The following PLCB4 variants were observed in gnomAD, a reference collection of about 807,000 sequenced individuals.
PLCB4 encodes phospholipase C beta 4, also known as 1-phosphatidylinositol 4,5-bisphosphate phosphodiesterase beta-4.
A neutral mutation model predicts 178.8 loss-of-function variants in PLCB4; 77 were observed. The ratio of observed to expected loss-of-function variants is 0.43; its 90% CI spans 0.36 to 0.52. PLCB4 has a LOEUF of 0.52. Ranked by LOEUF, PLCB4 falls within the 20% of genes least tolerant of loss-of-function variation. PLCB4 has a pLI of 0.00. For synonymous variants in PLCB4, 496 were observed against 490.8 expected (o/e 1.01, Z -0.14); for missense variants, 1,024 against 1,453.4 (o/e 0.70, Z 4.80).
intron 2 of PLCB4, among the ~76,000 whole-genome samples, chr20:9,213,348 T>G (rs966426044): frequency 5.7e-5 from 8 of 141,190 alleles, no homozygotes; most frequent in African/African-American, 2.2e-4. Flanking sequence ...TTTCACTATG[T>G]TGGCTAGGCT....
chr20:9,389,762 G>A, intron 15 of PLCB4, 117 bp from the exon 16 acceptor site: 1 of 617,134 alleles, frequency 1.6e-6, no homozygotes. Flanking sequence ...GGGGGCTCCA[G>A]GTCTGAATTG....
chr20:9,237,845 T>G (rs1179933595), intron 3 of PLCB4, among the ~76,000 whole-genome samples: 1 of 150,738 alleles, frequency 6.6e-6, no homozygotes, highest in East Asian at 2.0e-4. Context: ...AGTGGAATCT[T>G]TTTTTTTCTT....
chr20:9,427,579 T>C (rs2041109170), intron 28 of PLCB4, among the ~76,000 whole-genome samples: 1 of 152,216 alleles, frequency 6.6e-6, no homozygotes, highest in Non-Finnish European at 1.5e-5. Context: ...GCTGGGATTA[T>C]CTTTGCTGCT....
intron 7 of PLCB4, among the ~76,000 whole-genome samples, chr20:9,357,145 AC>A (rs2034903450): frequency 6.6e-6 from 1 of 152,158 alleles, no homozygotes; most frequent in African/African-American, 2.4e-5. Flanking sequence ...AAACAAGAAA[AC>A]AACAAAATTA....
At chr20:9,311,312 A>G (rs967982497) in intron 4 of PLCB4, among the ~76,000 whole-genome samples, 4 of 152,082 alleles carry the variant, frequency 2.6e-5, no homozygotes, top group East Asian at 1.9e-4. Flanking sequence ...CCTTCCCTAA[A>G]CCCACTTTAA....
In PLCB4 at chr20:9,450,730, C is replaced by G. The variant is rs981706644; in HGVS notation, c.2881-2617C>G. Among the ~76,000 whole-genome samples the G allele has an allele frequency of 6.4e-5, 9 of 140,290 alleles. No individual in the cohort carries two copies. The Admixed American group carries it at 6.9e-4, about 11-fold the overall frequency. 92.0% of individuals were successfully genotyped at this position (140,290 alleles called of 152,430 possible). A position where few individuals can be genotyped will look rare whatever the true frequency, so the allele number is the denominator to read the frequency against. ...GTGGCATGATCTCGACTCACTGCAA[C>G]CTATGCCTCCCGGGTTCAAGCAATT... is the stretch of plus-strand genomic sequence containing the variant. On this transcript the variant is annotated intron_variant, in intron 32 of 39. Transcript: ENST00000378473.
intron 2 of PLCB4, among the ~76,000 whole-genome samples, chr20:9,108,923 GAGAA>G (rs1324281289): frequency 4.8e-4 from 72 of 150,186 alleles, no homozygotes; most frequent in African/African-American, 1.7e-3. Context: ...GAGAGAGAGA[GAGAA>G]AGAGAGAGAG....
At chr20:9,310,722 A>T (rs576554980) in intron 4 of PLCB4, among the ~76,000 whole-genome samples, 5 of 152,296 alleles carry the variant, frequency 3.3e-5, no homozygotes, top group African/African-American at 1.2e-4. Context: ...AAAAAATAAA[A>T]AAAAATAAAT....
chr20:9,272,317 T>G (rs963312324), intron 3 of PLCB4, among the ~76,000 whole-genome samples: 2 of 152,054 alleles, frequency 1.3e-5, no homozygotes, highest in Non-Finnish European at 2.9e-5. Context: ...TTTGAAGAAA[T>G]TAAATCAGAT....
chr20:9,420,694 G>C (rs915760272), intron 26 of PLCB4, among the ~76,000 whole-genome samples: 1 of 152,146 alleles, frequency 6.6e-6, no homozygotes, highest in Non-Finnish European at 1.5e-5. Flanking sequence ...AGCTGTTTCA[G>C]ATTGTTAGCT....
chr20:9,287,252 C>A (rs1322066444), intron 3 of PLCB4, among the ~76,000 whole-genome samples: 1 of 151,958 alleles, frequency 6.6e-6, no homozygotes, highest in East Asian at 1.9e-4. Context: ...ACATACCAGG[C>A]ATTTCTCTGT....
At chr20:9,167,654 A>G (rs188345665) in intron 2 of PLCB4, among the ~76,000 whole-genome samples, 88 of 152,354 alleles carry the variant, frequency 5.8e-4, no homozygotes, top group Middle Eastern at 6.8e-3. Context: ...GTATTTGGTA[A>G]TTATGTTTCT....
intron 20 of PLCB4, among the ~76,000 whole-genome samples, chr20:9,402,589 AC>A (rs1391123844): frequency 6.6e-6 from 1 of 152,246 alleles, no homozygotes; most frequent in Non-Finnish European, 1.5e-5. Context: ...TTAGGAGGAA[AC>A]AGGAGTGGAA....
intron 2 of PLCB4, among the ~76,000 whole-genome samples, chr20:9,159,990 G>T (rs2092859021): frequency 6.6e-6 from 1 of 152,106 alleles, no homozygotes; most frequent in Non-Finnish European, 1.5e-5. Flanking sequence ...GGGAGAAGAG[G>T]TGGCCATACT....
chr20:9,386,941 G>A (rs1020579389), intron 14 of PLCB4, among the ~76,000 whole-genome samples: 3 of 150,044 alleles, frequency 2.0e-5, no homozygotes, highest in Non-Finnish European at 4.4e-5. Context: ...TGCCCAGGCT[G>A]GAGTGCAGTG....
At chr20:9,346,490 A>G (rs2033807768) in intron 7 of PLCB4, among the ~76,000 whole-genome samples, 1 of 152,210 alleles carries the variant, frequency 6.6e-6, no homozygotes, top group African/African-American at 2.4e-5. Flanking sequence ...ACTAATTAAT[A>G]AAAGCTTCTT....
At chr20:9,210,467 AGAG>A (rs2093661627) in intron 2 of PLCB4, among the ~76,000 whole-genome samples, 1 of 152,108 alleles carries the variant, frequency 6.6e-6, no homozygotes, top group Non-Finnish European at 1.5e-5. Context: ...TGGGTCGGTG[AGAG>A]GAGAACATAG....
At chr20:9,222,113 CAG>C (rs1187948450) in intron 3 of PLCB4, among the ~76,000 whole-genome samples, 20 of 117,382 alleles carry the variant, frequency 1.7e-4, no homozygotes, top group African/African-American at 5.9e-4. Flanking sequence ...TTTATTTTGA[CAG>C]GGTCTGGTTC....
At chr20:9,093,438 C>T (rs1184576072) in intron 1 of PLCB4, among the ~76,000 whole-genome samples, 1 of 152,166 alleles carries the variant, frequency 6.6e-6, no homozygotes, top group Admixed American at 6.6e-5. Context: ...CTTTTATATG[C>T]TTACCCATTA....
Sources: gnomAD v4.1 joint callset for allele counts (sites outside exome capture counted in the v4.1 genomes callset) on GRCh38, gnomAD v4.1.1 for gene constraint, MANE v1.5 for transcripts, NCBI Gene and HGNC (gene_info 2026-07-23, HGNC 2026-07-21) for gene names.